INPP4B: variants seen among roughly 807,000 people sequenced by gnomAD.
INPP4B encodes the protein inositol polyphosphate 4-phosphatase type II.
In INPP4B, 55 loss-of-function variants were observed where a neutral mutation model predicts 122.5. The ratio of observed to expected loss-of-function variants is 0.45; its 90% CI spans 0.36 to 0.56. INPP4B has a LOEUF of 0.56. Among genes scored for constraint, INPP4B ranks in the 20% least tolerant of loss-of-function variants. INPP4B has a pLI of 0.00. For synonymous variants in INPP4B, 403 were observed against 388.7 expected, an observed-to-expected ratio of 1.04 and a Z score of -0.43; for missense variants, 1,000 against 1,097.7, an observed-to-expected ratio of 0.91 and a Z score of 1.26.
chr4:142,124,444 T>C, intron 19 of INPP4B, 144 bp downstream of exon 19: 2 of 678,130 alleles, frequency 2.9e-6, no homozygotes, highest in Admixed American at 2.8e-5. Context: ...CTGATATTTA[T>C]CGTGAATAAG....
chr4:142,339,856 T>C (rs1778075135), intron 7 of INPP4B, among the ~76,000 whole-genome samples: 1 of 152,128 alleles, frequency 6.6e-6, no homozygotes, highest in Admixed American at 6.5e-5. Context: ...CATGCTTTGA[T>C]GTAGTATTAA....
At chr4:142,563,315 T>A (rs17016379) in intron 2 of INPP4B, among the ~76,000 whole-genome samples, 47,534 of 152,044 alleles carry the variant, frequency 0.31, 8,627 homozygotes, top group East Asian at 0.79. Flanking sequence ...TGTAACTAAA[T>A]CCAAGTATTT....
intron 9 of INPP4B, among the ~76,000 whole-genome samples, chr4:142,271,224 T>C (rs1745661161): frequency 6.6e-6 from 1 of 152,180 alleles, no homozygotes; most frequent in African/African-American, 2.4e-5. Flanking sequence ...ATTACAGACG[T>C]GAGCTACTGC....
At position 142,280,080 on chromosome 4, in the gene INPP4B, G is replaced by C. The variant is rs370194308; in HGVS notation, c.504-9306C>G. ...CACTTTAACACCCTTACAATGGCTG[G>C]CAAGGATGAAGACTGACTGAAACTC... On this transcript the variant is annotated intron_variant, in intron 9 of 25. Coordinates refer to ENST00000262992, the MANE Select transcript of INPP4B (RefSeq NM_001101669.3). 5.0e-4 allele frequency among the ~76,000 whole-genome samples: 76 copies of C among 151,916 alleles called. 1 individual carries two copies. Among genetic ancestry groups the C allele is most frequent in the Middle Eastern group, 6.8e-3 (2 of 294 alleles).
At chr4:142,285,438 C>A (rs1324597867) in intron 9 of INPP4B, among the ~76,000 whole-genome samples, 1 of 151,910 alleles carries the variant, frequency 6.6e-6, no homozygotes, top group Non-Finnish European at 1.5e-5. Flanking sequence ...AGGCTCATGA[C>A]CTCAGATATA....
chr4:142,528,736 C>T (rs1016350187), intron 2 of INPP4B, among the ~76,000 whole-genome samples: 3 of 152,032 alleles, frequency 2.0e-5, no homozygotes, highest in Admixed American at 6.6e-5. Context: ...CTTGTGTGAC[C>T]GTGTTGCAAG....
At chr4:142,805,193 T>C (rs1778529753) in intron 1 of INPP4B, among the ~76,000 whole-genome samples, 1 of 152,224 alleles carries the variant, frequency 6.6e-6, no homozygotes, top group African/African-American at 2.4e-5. Flanking sequence ...AGAAAATTGA[T>C]GGCTAAATCC....
chr4:142,557,237 A>C (rs1387630862), intron 2 of INPP4B, among the ~76,000 whole-genome samples: 1 of 152,192 alleles, frequency 6.6e-6, no homozygotes, highest in African/African-American at 2.4e-5. Context: ...AGAGGAGAAC[A>C]TAAAGAATGG....
intron 9 of INPP4B, among the ~76,000 whole-genome samples, chr4:142,291,201 T>A (rs34075633): frequency 6.6e-6 from 1 of 152,170 alleles, no homozygotes; most frequent in South Asian, 2.1e-4. Context: ...TTCTAAGTAA[T>A]GCAAAAATTA....
chr4:142,263,175 C>A (rs1336364854), intron 10 of INPP4B, among the ~76,000 whole-genome samples: 4 of 152,216 alleles, frequency 2.6e-5, no homozygotes. Context: ...AGCTGATCAT[C>A]TCTGCTGCAG....
intron 11 of INPP4B, among the ~76,000 whole-genome samples, chr4:142,247,041 A>G (rs964458556): frequency 6.6e-6 from 1 of 152,128 alleles, no homozygotes; most frequent in Non-Finnish European, 1.5e-5. Flanking sequence ...CTCTGCATCT[A>G]TTGTGATAAT....
intron 25 of INPP4B, among the ~76,000 whole-genome samples, chr4:142,048,641 G>C (rs1053716725): frequency 6.6e-6 from 1 of 152,036 alleles, no homozygotes; most frequent in African/African-American, 2.4e-5. Context: ...GTGGGGGAGA[G>C]CAACAGAGAG....
intron 12 of INPP4B, among the ~76,000 whole-genome samples, chr4:142,222,438 T>A (rs1179480947): frequency 1.3e-5 from 2 of 152,222 alleles, no homozygotes; most frequent in East Asian, 3.9e-4. Context: ...TAAGCCACCA[T>A]CATCAAAAGC....
At chr4:142,099,118 T>C (rs76347248) in intron 23 of INPP4B, among the ~76,000 whole-genome samples, 3,305 of 152,232 alleles carry the variant, frequency 0.022, 122 homozygotes, top group African/African-American at 0.075. Flanking sequence ...ATGCAGGCTC[T>C]TGACAGAAAG....
intron 2 of INPP4B, among the ~76,000 whole-genome samples, chr4:142,495,983 G>A (rs536109540): frequency 6.6e-5 from 10 of 152,082 alleles, no homozygotes; most frequent in African/African-American, 2.2e-4. Flanking sequence ...AAATGTTTTC[G>A]CCTGTCTGAA....
intron 2 of INPP4B, among the ~76,000 whole-genome samples, chr4:142,685,272 G>T (rs1278329060): frequency 6.6e-6 from 1 of 151,946 alleles, no homozygotes; most frequent in African/African-American, 2.4e-5. Flanking sequence ...AAGAACATTT[G>T]AATATTTACC....
intron 2 of INPP4B, among the ~76,000 whole-genome samples, chr4:142,591,787 C>T (rs1415226222): frequency 6.6e-6 from 1 of 152,110 alleles, no homozygotes; most frequent in African/African-American, 2.4e-5. Context: ...CTAGCCTGAC[C>T]TATGCAAAAA....
intron 11 of INPP4B, 127 bp from the exon 12 acceptor site, chr4:142,238,138 A>T: frequency 2.1e-6 from 1 of 482,524 alleles, no homozygotes; most frequent in Non-Finnish European, 3.7e-6. Context: ...GTCTTTTTTT[A>T]AATCAAAATC....
chr4:142,455,843 A>C (rs1307231068), intron 3 of INPP4B, among the ~76,000 whole-genome samples: 1 of 151,988 alleles, frequency 6.6e-6, no homozygotes. Flanking sequence ...GATAAAAAGC[A>C]TTTAACTGGG....
Sources: allele counts gnomAD v4.1 joint callset (sites outside exome capture counted in the v4.1 genomes callset), GRCh38; gene constraint gnomAD v4.1.1; transcripts MANE v1.5; gene names NCBI Gene and HGNC (gene_info 2026-07-23, HGNC 2026-07-21).